Variants in PMP2 observed in about 807,000 individuals in gnomAD.
PMP2 encodes the protein myelin P2 protein.
Under a neutral mutation model 15.9 loss-of-function variants are expected in PMP2, and 11 were observed. The ratio of observed to expected loss-of-function variants is 0.69; its 90% CI spans 0.44 to 1.14. The LOEUF (loss-of-function observed/expected upper bound fraction) is 1.14. Among genes scored for constraint, PMP2 ranks in the 50% most tolerant of loss-of-function variants. The probability of loss-of-function intolerance (pLI) is 0.00; values close to 1 mark genes in which losing one functional copy is unlikely to be tolerated. For missense variants in PMP2, 151 were observed against 154.0 expected, an observed-to-expected ratio of 0.98 and a Z score of 0.10; for synonymous variants, 55 against 54.1, an observed-to-expected ratio of 1.02 and a Z score of -0.07.
Position 81,444,645 on chromosome 8 carries a change from G to T in PMP2, c.247-44C>A, listed in dbSNP as rs182962526. 151 of 1,529,742 alleles carry T rather than the reference G, an allele frequency of 9.9e-5. No homozygotes were observed. The African/African-American group carries it at 1.9e-3, about 20-fold the overall frequency. 94.8% of individuals were successfully genotyped at this position (1,529,742 alleles called of 1,614,324 possible). A position where few individuals can be genotyped will look rare whatever the true frequency, so the allele number is the denominator to read the frequency against. ...GCAATTGACTTGCCTGAAATTTGTT[G>T]ATCAAAGAAGCAGTTCTTTCAGTAT... On this transcript the variant is annotated intron_variant, in intron 2 of 3. Transcript: ENST00000256103.
rs1342950581 is a variant in PMP2 at position 81,441,536 on chromosome 8, A to G, written c.*1862T>C. On this transcript the variant is annotated 3_prime_UTR_variant, in exon 4 of 4. Transcript: ENST00000256103. The stretch of plus-strand genomic sequence containing the variant: ...TTCTCATTTCTCTATCTATCTATCT[A>G]TCTATCTATCTATCTATCTATCTAT... The G allele has an allele frequency of 7.1e-6, 1 of 141,394 alleles. No homozygotes were observed. The highest frequency in any genetic ancestry group is 3.0e-5 in the African/African-American group (1 of 33,550). 8.8% of individuals were successfully genotyped at this position (141,394 alleles called of 1,614,324 possible).
chr8:81,445,031 G>A (rs748580043), intron 1 of PMP2, 42 bp from the exon 2 acceptor site: 24 of 1,567,048 alleles, frequency 1.5e-5, no homozygotes, highest in Non-Finnish European at 2.0e-5. Flanking sequence ...GACCAAGAGA[G>A]CATAGCCAAA....
chr8:81,441,990 T>C lies in PMP2; in HGVS notation c.*1408A>G, dbSNP rs1352295325. ...GAGGTGTTTTTGTGTCTAAGCCATT[T>C]TGGCAGATAGGATTAGTAAATATAT... On this transcript the variant is annotated 3_prime_UTR_variant, in exon 4 of 4. Coordinates refer to ENST00000256103, the MANE Select transcript of PMP2 (RefSeq NM_002677.5). The C allele has an allele frequency of 6.6e-6, 1 of 152,144 alleles. No homozygotes were observed. Among genetic ancestry groups the C allele is most frequent in the East Asian group, 1.9e-4 (1 of 5,196 alleles). The allele number at this position is 152,144 out of a possible 1,614,324, so 9.4% of individuals were successfully genotyped here. A position where few individuals can be genotyped will look rare whatever the true frequency, so the allele number is the denominator to read the frequency against.
chr8:81,441,536 A>ATCTG lies in PMP2; in HGVS notation c.*1861_*1862insCAGA, dbSNP rs1202904660. On this transcript the variant is annotated 3_prime_UTR_variant, in exon 4 of 4. Transcript: ENST00000256103. ...TTCTCATTTCTCTATCTATCTATCT[A>ATCTG]TCTATCTATCTATCTATCTATCTAT... The ATCTG allele has an allele frequency of 7.1e-6, 1 of 141,394 alleles. No individual in the cohort carries two copies. Among genetic ancestry groups the ATCTG allele is most frequent in the African/African-American group, 3.0e-5 (1 of 33,550 alleles). 8.8% of individuals were successfully genotyped at this position (141,394 alleles called of 1,614,324 possible).
At chr8:81,444,024 G>T (rs1807401456) in intron 3 of PMP2, among the ~76,000 whole-genome samples, 1 of 151,344 alleles carries the variant, frequency 6.6e-6, no homozygotes, top group Non-Finnish European at 1.5e-5. Context: ...ATTTTCATCT[G>T]CCAACTAGAA....
At chr8:81,445,017 T>C (rs778548171) in intron 1 of PMP2, 28 bp from the exon 2 acceptor site, 2 of 1,602,544 alleles carry the variant, frequency 1.2e-6, no homozygotes, top group South Asian at 2.2e-5. Flanking sequence ...GTTAGAATTA[T>C]GTTGACCAAG....
intron 1 of PMP2, among the ~76,000 whole-genome samples, chr8:81,445,259 C>A (rs1807429174): frequency 6.6e-6 from 1 of 151,046 alleles, no homozygotes; most frequent in South Asian, 2.1e-4. Flanking sequence ...GAGTCTCGCT[C>A]TGTCGTCCTG....
intron 3 of PMP2, 50 bp from the exon 4 acceptor site, chr8:81,443,498 C>A: frequency 8.6e-7 from 1 of 1,158,994 alleles, no homozygotes; most frequent in Non-Finnish European, 1.2e-6. Context: ...AACCAGAGAA[C>A]AGAAAATTTG....
Position 81,440,980 on chromosome 8 carries a change from G to T in PMP2, c.*2418C>A, listed in dbSNP as rs1807319088. The T allele has an allele frequency of 6.6e-6, 1 of 152,118 alleles. No homozygotes were observed. 9.4% of individuals were successfully genotyped at this position (152,118 alleles called of 1,614,324 possible). A position where few individuals can be genotyped will look rare whatever the true frequency, so the allele number is the denominator to read the frequency against. On this transcript the variant is annotated 3_prime_UTR_variant, in exon 4 of 4. Transcript: ENST00000256103. ...TAACATTGTCCTTTGGAGCACTTAT[G>T]TTACCTCTGGTACAGAATCCAGTCT...
At position 81,444,841 on chromosome 8, in the gene PMP2, GGTTTCT is replaced by G; in HGVS notation, c.216_221del (p.Glu72_Thr74delinsAsp). On this transcript the variant is annotated inframe_deletion, in exon 2 of 4. Transcript: ENST00000256103. The stretch of plus-strand genomic sequence containing the variant: ...CCTTGGTCTTTCTATTGTCAGCTGT[GGTTTCT>G]TCAAATTCCTGGCCTAGCTTGAAGG... 1 of 1,613,646 alleles carries G rather than the reference GGTTTCT, an allele frequency of 6.2e-7. No individual in the cohort carries two copies. The highest frequency in any genetic ancestry group is 8.5e-7 in the Non-Finnish European group (1 of 1,179,896).
chr8:81,444,871 G>T lies in PMP2; in HGVS notation c.192C>A (p.Ser64=), dbSNP rs751438413. 6.2e-7 allele frequency: 1 copy of T among 1,613,732 alleles called. No homozygotes were observed. The highest frequency in any genetic ancestry group is 1.7e-5 in the Admixed American group (1 of 60,014). Residue 64 remains serine (S), a synonymous_variant, in exon 2 of 4, where the codon TCC becomes TCA. Coordinates refer to ENST00000256103, the MANE Select transcript of PMP2 (RefSeq NM_002677.5). ...CTTCAAATTCCTGGCCTAGCTTGAA[G>T]GAGATTTCTGTATTTTTAAAGGTAC... ...TESTFKNTEI[S]FKLGQEFEET... is the part of the protein sequence containing the mutation.
At position 81,442,280 on chromosome 8, in the gene PMP2, T is replaced by C. The variant is rs1227813460; in HGVS notation, c.*1118A>G. On this transcript the variant is annotated 3_prime_UTR_variant, in exon 4 of 4. Coordinates refer to ENST00000256103, the MANE Select transcript of PMP2 (RefSeq NM_002677.5). ...CTCATTTGCTCAATCATATAATACA[T>C]CTGAAATAGTTTTATTATTACTTGG... The C allele has an allele frequency of 6.6e-6, 1 of 152,526 alleles. No homozygotes were observed. Among genetic ancestry groups the C allele is most frequent in the Non-Finnish European group, 1.5e-5 (1 of 67,962 alleles). The allele number at this position is 152,526 out of a possible 1,614,324, so 9.4% of individuals were successfully genotyped here.
rs1807317339 is a variant in PMP2 at position 81,440,909 on chromosome 8, ACTT to A, written c.*2486_*2488del. 1 of 152,176 alleles carries A rather than the reference ACTT, an allele frequency of 6.6e-6. No homozygotes were observed. 9.4% of individuals were successfully genotyped at this position (152,176 alleles called of 1,614,324 possible). A position where few individuals can be genotyped will look rare whatever the true frequency, so the allele number is the denominator to read the frequency against. Reference sequence around the variant, plus strand: ...GATTTTTTTTACTTAATCAAAGTATACTTCTTATCTGATTGACTGTCTATATTC... The same window carrying A: ...GATTTTTTTTACTTAATCAAAGTATACTTATCTGATTGACTGTCTATATTC... On this transcript the variant is annotated 3_prime_UTR_variant, in exon 4 of 4. Transcript: ENST00000256103.
chr8:81,443,573 T>G (rs1164816758), intron 3 of PMP2, 125 bp from the exon 4 acceptor site: 1 of 568,584 alleles, frequency 1.8e-6, no homozygotes, highest in Non-Finnish European at 3.0e-6. Context: ...AATATCAGTA[T>G]GTCAGTCTCC....
At chr8:81,444,004 C>T (rs909564598) in intron 3 of PMP2, among the ~76,000 whole-genome samples, 3 of 152,056 alleles carry the variant, frequency 2.0e-5, no homozygotes, top group African/African-American at 7.2e-5. Flanking sequence ...CACATACAAC[C>T]TTTGTCATTA....
chr8:81,444,474 C>G (rs763183631), intron 3 of PMP2, 26 bp downstream of exon 3: 1 of 1,342,882 alleles, frequency 7.4e-7, no homozygotes, highest in Non-Finnish European at 1.1e-6. Flanking sequence ...CATTATTTCT[C>G]TATTTAGAAG....
At chr8:81,446,009 A>C (rs1476358195) in intron 1 of PMP2, among the ~76,000 whole-genome samples, 1 of 152,212 alleles carries the variant, frequency 6.6e-6, no homozygotes, top group African/African-American at 2.4e-5. Context: ...ATGTAAAATA[A>C]AAAATATATG....
chr8:81,444,487 A>C lies in PMP2; in HGVS notation c.348+13T>G. On this transcript the variant is annotated intron_variant, in intron 3 of 3. Transcript: ENST00000256103. ...AGCATTATTTCTCTATTTAGAAGTA[A>C]AGATACTCTTACCGCTACCATTTTC... 1 of 1,515,932 alleles carries C rather than the reference A, an allele frequency of 6.6e-7. No individual in the cohort carries two copies. The allele number at this position is 1,515,932 out of a possible 1,614,324, so 93.9% of individuals were successfully genotyped here.
chr8:81,444,411 T>C, intron 3 of PMP2, 89 bp downstream of exon 3: 4 of 807,844 alleles, frequency 5.0e-6, no homozygotes, highest in Non-Finnish European at 7.7e-6. Flanking sequence ...TCCATTCATA[T>C]TCCAAAGAAC....
Sources: gnomAD v4.1 joint callset for allele counts (sites outside exome capture counted in the v4.1 genomes callset) on GRCh38, gnomAD v4.1.1 for gene constraint, MANE v1.5 for transcripts, NCBI Gene and HGNC (gene_info 2026-07-23, HGNC 2026-07-21) for gene names.